The following CHST15 variants were observed in gnomAD, a reference collection of about 807,000 sequenced individuals.
CHST15 encodes the protein carbohydrate sulfotransferase 15, also known as B cell RAG associated protein (GALNAC4S-6ST).
A neutral mutation model predicts 53.6 loss-of-function variants in CHST15; 30 were observed. That is an observed-to-expected ratio of 0.56 (90% CI 0.42 to 0.76). The LOEUF is 0.76. Among genes scored for constraint, CHST15 ranks in the 30% least tolerant of loss-of-function variants. The probability of loss-of-function intolerance (pLI) is 0.00; values close to 1 mark genes in which losing one functional copy is unlikely to be tolerated. For synonymous variants in CHST15, 296 were observed against 289.8 expected (o/e 1.02, Z -0.22); for missense variants, 627 against 740.5 (o/e 0.85, Z 1.78).
At chr10:124,012,305 C>T (rs1383637878) in intron 7 of CHST15, 28 bp downstream of exon 7, 1 of 1,598,776 alleles carries the variant, frequency 6.3e-7, no homozygotes, top group Non-Finnish European at 8.6e-7. Context: ...CATGCTTTGG[C>T]CCGTCAGTCT....
intron 6 of CHST15, among the ~76,000 whole-genome samples, chr10:124,014,334 T>C (rs1423407510): frequency 3.9e-5 from 6 of 152,240 alleles, no homozygotes; most frequent in African/African-American, 7.2e-5. Flanking sequence ...GGGCAAAATA[T>C]GTACAGATGC....
intron 7 of CHST15, chr10:124,011,087 C>T (rs1946404136): frequency 2.0e-6 from 2 of 983,054 alleles, no homozygotes; most frequent in Non-Finnish European, 2.4e-6. Flanking sequence ...CTGTCAGTCA[C>T]GCACACGCCC....
chr10:124,018,569 G>C (rs557347313), intron 6 of CHST15, among the ~76,000 whole-genome samples: 1 of 152,326 alleles, frequency 6.6e-6, no homozygotes, highest in African/African-American at 2.4e-5. Context: ...TACAGGGAGG[G>C]CACCTCTGCT....
At chr10:124,047,669 G>T (rs1948050760) in intron 1 of CHST15, among the ~76,000 whole-genome samples, 1 of 152,120 alleles carries the variant, frequency 6.6e-6, no homozygotes, top group Non-Finnish European at 1.5e-5. Flanking sequence ...GTAAAATTAG[G>T]ATAATAAGGA....
chr10:124,041,479 T>C (rs962628458), intron 4 of CHST15, among the ~76,000 whole-genome samples: 6 of 152,164 alleles, frequency 3.9e-5, no homozygotes, highest in Non-Finnish European at 5.9e-5. Flanking sequence ...ATCCTATTAA[T>C]CCTGTATTGC....
At chr10:124,012,537 C>A in intron 6 of CHST15, 57 bp from the exon 7 acceptor site, 2 of 1,554,504 alleles carry the variant, frequency 1.3e-6, no homozygotes, top group Non-Finnish European at 8.7e-7. Context: ...CACCATAGGG[C>A]ACTTTTCCAA....
chr10:124,022,279 G>A (rs921448510), intron 5 of CHST15, among the ~76,000 whole-genome samples: 2 of 152,316 alleles, frequency 1.3e-5, no homozygotes, highest in South Asian at 4.1e-4. Flanking sequence ...TCTGTGCTAG[G>A]TGCCACGTAA....
intron 1 of CHST15, among the ~76,000 whole-genome samples, chr10:124,068,173 T>G (rs1174579559): frequency 3.3e-5 from 5 of 152,066 alleles, no homozygotes; most frequent in Admixed American, 6.6e-5. Flanking sequence ...GATGGTGAAG[T>G]CAGTCCCCAC....
rs1337904994 is a variant in CHST15 at position 124,069,821 on chromosome 10, A to G, written c.-512-23097T>C. ...ATTTTTCTCTCATTGCCTGCCTTTA[A>G]CAGTTCTGCGCTCCAGGCCTGACCA... On this transcript the variant is annotated intron_variant, in intron 1 of 7. Coordinates refer to ENST00000435907, the MANE Select transcript of CHST15 (RefSeq NM_001270764.2). 5.9e-5 allele frequency among the ~76,000 whole-genome samples: 9 copies of G among 152,300 alleles called. No homozygotes were observed. In the South Asian group the frequency reaches 1.7e-3, roughly 28 times the overall value.
rs190566359 is a variant in CHST15, at chr10:124,008,343, G to A, written c.*1806C>T. ...AAGACGCACTCACCCACACGTGCGC[G>A]TACACACACACACACGCGCGCACTG... On this transcript the variant is annotated 3_prime_UTR_variant, in exon 8 of 8. Coordinates refer to ENST00000435907, the MANE Select transcript of CHST15 (RefSeq NM_001270764.2). 280 of 1,067,164 alleles carry A rather than the reference G, an allele frequency of 2.6e-4. No homozygotes were observed. The African/African-American group carries it at 3.3e-3, about 13-fold the overall frequency. The allele number at this position is 1,067,164 out of a possible 1,614,324, so 66.1% of individuals were successfully genotyped here.
At chr10:124,013,048 C>T (rs1056787089) in intron 6 of CHST15, among the ~76,000 whole-genome samples, 27 of 152,322 alleles carry the variant, frequency 1.8e-4, no homozygotes, top group African/African-American at 6.0e-4. Flanking sequence ...ACCCATTTCC[C>T]GGGTCTTCAC....
At chr10:124,048,583 T>G (rs556776895) in intron 1 of CHST15, among the ~76,000 whole-genome samples, 29 of 152,240 alleles carry the variant, frequency 1.9e-4, no homozygotes, top group African/African-American at 6.7e-4. Context: ...TACAAACAAT[T>G]CTTCCAAACT....
chr10:124,012,599 T>C, intron 6 of CHST15, 119 bp from the exon 7 acceptor site: 1 of 1,156,586 alleles, frequency 8.6e-7, no homozygotes. Flanking sequence ...GCAAAGTTAC[T>C]TTCAGAAGCT....
In CHST15 at chr10:124,009,808, G is replaced by A. The variant is rs1590166784; in HGVS notation, c.*341C>T. 1 of 1,082,878 alleles carries A rather than the reference G, an allele frequency of 9.2e-7. No individual in the cohort carries two copies. The highest frequency in any genetic ancestry group is 8.1e-5 in the East Asian group (1 of 12,364). 67.1% of individuals were successfully genotyped at this position (1,082,878 alleles called of 1,614,324 possible). A position where few individuals can be genotyped will look rare whatever the true frequency, so the allele number is the denominator to read the frequency against. Reference sequence around the variant, plus strand: ...ACCCAGAGGCTCTCCAGAAGGCGGAGGCGGGCAGGGCCAGGCTGCCTTCCC... The same window carrying A: ...ACCCAGAGGCTCTCCAGAAGGCGGAAGCGGGCAGGGCCAGGCTGCCTTCCC... On this transcript the variant is annotated 3_prime_UTR_variant, in exon 8 of 8. Coordinates refer to ENST00000435907, the MANE Select transcript of CHST15 (RefSeq NM_001270764.2).
chr10:124,007,683 G>C lies in CHST15; in HGVS notation c.*2466C>G. On this transcript the variant is annotated 3_prime_UTR_variant, in exon 8 of 8. Transcript: ENST00000435907. ...CAGGAAGAGCTTGGCTGCAGAGGAA[G>C]AGCACGCGCTCCACAGGCGTCACTC... The C allele has an allele frequency of 8.2e-7, 1 of 1,218,714 alleles. No individual in the cohort carries two copies. Among genetic ancestry groups the C allele is most frequent in the East Asian group, 3.3e-5 (1 of 30,768 alleles). 75.5% of individuals were successfully genotyped at this position (1,218,714 alleles called of 1,614,324 possible).
At chr10:124,026,237 AGGGGAGCACTGAGACG>A (rs1195064442) in intron 5 of CHST15, among the ~76,000 whole-genome samples, 2 of 152,194 alleles carry the variant, frequency 1.3e-5, no homozygotes, top group Non-Finnish European at 2.9e-5. Flanking sequence ...GCACTCAGAC[AGGGGAGCACTGAGACG>A]GGGGAGCACT....
At chr10:124,072,880 A>G (rs1295868212) in intron 1 of CHST15, among the ~76,000 whole-genome samples, 1 of 152,196 alleles carries the variant, frequency 6.6e-6, no homozygotes, top group East Asian at 1.9e-4. Flanking sequence ...CATTCAATGC[A>G]AAAAGGGCCA....
rs1280000349 is a variant in CHST15, at chr10:124,044,931, CAGAG to C, written c.547-16_547-13del. 2 of 1,432,876 alleles carry C rather than the reference CAGAG, an allele frequency of 1.4e-6. No individual in the cohort carries two copies. Among genetic ancestry groups the C allele is most frequent in the African/African-American group, 2.9e-5 (2 of 68,032 alleles). 88.8% of individuals were successfully genotyped at this position (1,432,876 alleles called of 1,614,324 possible). A position where few individuals can be genotyped will look rare whatever the true frequency, so the allele number is the denominator to read the frequency against. ...ATGACTGAAAACATCTGCAAGGAAA[CAGAG>C]GAGGAGAGACACAGAGGAGGGGAAA... On this transcript the variant is annotated splice_polypyrimidine_tract_variant and intron_variant, in intron 2 of 7. Coordinates refer to ENST00000435907, the MANE Select transcript of CHST15 (RefSeq NM_001270764.2).
At chr10:124,014,719 A>G (rs1946533107) in intron 6 of CHST15, among the ~76,000 whole-genome samples, 1 of 152,186 alleles carries the variant, frequency 6.6e-6, no homozygotes, top group African/African-American at 2.4e-5. Flanking sequence ...CGTGCCTTTC[A>G]ACAGGAGAAC....
Sources: gnomAD v4.1 joint callset for allele counts (sites outside exome capture counted in the v4.1 genomes callset) on GRCh38, gnomAD v4.1.1 for gene constraint, MANE v1.5 for transcripts, NCBI Gene and HGNC (gene_info 2026-07-23, HGNC 2026-07-21) for gene names.